GLRA2: variants seen among roughly 807,000 people sequenced by gnomAD.
The protein encoded by GLRA2 is glycine receptor alpha 2.
In GLRA2, 11 loss-of-function variants were observed where a neutral mutation model predicts 31.6. The observed-to-expected ratio is 0.35, with a 90% CI of 0.22 to 0.58. The LOEUF (loss-of-function observed/expected upper bound fraction) is 0.58, where lower values mean the gene tolerates loss of function less well. GLRA2 is among the 20% of genes least tolerant of loss of function. The pLI is 0.84. For missense variants in GLRA2, 212 were observed against 351.8 expected (o/e 0.60, Z 3.18); for synonymous variants, 132 against 134.0 (o/e 0.99, Z 0.10).
At chrX:14,594,254 T>TC (rs200139660) in intron 4 of GLRA2, among the ~76,000 whole-genome samples, 1 of 111,110 alleles carries the variant, frequency 9.0e-6, no homozygotes, top group African/African-American at 3.3e-5. Context: ...CGTGTTCTCT[T>TC]CCCCCTTTTT....
intron 4 of GLRA2, among the ~76,000 whole-genome samples, chrX:14,586,551 C>T (rs2090083085): frequency 8.9e-6 from 1 of 112,178 alleles, no homozygotes; most frequent in Non-Finnish European, 1.9e-5. Flanking sequence ...GGTCCTTCAT[C>T]TGGGATGGGG....
the GLRA2 span, among the ~76,000 whole-genome samples, chrX:14,518,793 G>A: frequency 9.4e-6 from 1 of 106,746 alleles, no homozygotes; most frequent in Non-Finnish European, 1.9e-5. Flanking sequence ...GACCGATCAC[G>A]AGGTCAGGAG....
chrX:14,482,153 T>C, the GLRA2 span, among the ~76,000 whole-genome samples: 13 of 111,802 alleles, frequency 1.2e-4, no homozygotes, highest in Admixed American at 1.2e-3. Context: ...TGATATCTCA[T>C]CATTAATTAC....
At chrX:14,649,271 G>A (rs2090865225) in intron 7 of GLRA2, among the ~76,000 whole-genome samples, 1 of 110,361 alleles carries the variant, frequency 9.1e-6, no homozygotes, top group Non-Finnish European at 1.9e-5. Flanking sequence ...CTATTCCTAG[G>A]TATTTACCCA....
intron 7 of GLRA2, among the ~76,000 whole-genome samples, chrX:14,629,510 A>G (rs988581154): frequency 1.8e-5 from 2 of 111,637 alleles, no homozygotes; most frequent in South Asian, 3.7e-4. Context: ...TGACACCACC[A>G]TAGGTTCATG....
At chrX:14,568,264 G>A (rs1313290704) in intron 2 of GLRA2, among the ~76,000 whole-genome samples, 2 of 112,134 alleles carry the variant, frequency 1.8e-5, no homozygotes, top group African/African-American at 6.5e-5. Context: ...GTGTCATACT[G>A]GCATAAGGAT....
At chrX:14,542,262 C>T (rs1267568748) in intron 2 of GLRA2, among the ~76,000 whole-genome samples, 5 of 111,585 alleles carry the variant, frequency 4.5e-5, no homozygotes, top group South Asian at 3.7e-4. Context: ...TAGAAGGCTA[C>T]GAATATTCAC....
In GLRA2 at chrX:14,728,930, C is replaced by T. The variant is rs73439410; in HGVS notation, c.1081-1277C>T. 9.4e-3 allele frequency among the ~76,000 whole-genome samples: 1,058 copies of T among 112,326 alleles called. 9 individuals carry two copies. Among genetic ancestry groups the T allele is most frequent in the African/African-American group, 0.032 (981 of 30,941 alleles). On this transcript the variant is annotated intron_variant, in intron 8 of 8. Coordinates refer to ENST00000218075, the MANE Select transcript of GLRA2 (RefSeq NM_002063.4). ...CTGCTCTTTCACTCCCCATTTTGCA[C>T]ATGATCAAGTGTAATTAACTGAAAT...
intron 7 of GLRA2, among the ~76,000 whole-genome samples, chrX:14,613,067 T>G (rs183290460): frequency 6.4e-4 from 72 of 111,724 alleles, no homozygotes; most frequent in Middle Eastern, 4.6e-3. Flanking sequence ...CTAAGTTTGT[T>G]TCATCATTTA....
chrX:14,709,027 G>A (rs2091674484), intron 8 of GLRA2, among the ~76,000 whole-genome samples: 1 of 111,754 alleles, frequency 8.9e-6, no homozygotes, highest in Non-Finnish European at 1.9e-5. Flanking sequence ...AACCATATCA[G>A]GTTTTCCTTT....
intron 5 of GLRA2, among the ~76,000 whole-genome samples, chrX:14,606,564 G>A (rs1350646038): frequency 9.0e-6 from 1 of 111,385 alleles, no homozygotes; most frequent in East Asian, 2.8e-4. Flanking sequence ...TAGATTACCT[G>A]CCAATAGTCT....
chrX:14,696,701 G>T (rs2091452287), intron 8 of GLRA2, among the ~76,000 whole-genome samples: 1 of 112,024 alleles, frequency 8.9e-6, no homozygotes, highest in Non-Finnish European at 1.9e-5. Flanking sequence ...GACGCCAAAG[G>T]ATCTGGGTTT....
At chrX:14,457,539 TTATGGCTGCA>T in the GLRA2 span, among the ~76,000 whole-genome samples, 1 of 112,239 alleles carries the variant, frequency 8.9e-6, no homozygotes, top group Non-Finnish European at 1.9e-5. Context: ...TCATCCTTTT[TTATGGCTGCA>T]TAGTATTCCA....
intron 7 of GLRA2, among the ~76,000 whole-genome samples, chrX:14,615,207 G>A (rs1241150167): frequency 8.9e-6 from 1 of 111,932 alleles, no homozygotes; most frequent in Non-Finnish European, 1.9e-5. Context: ...ACAACACCTG[G>A]TTCACAGTAG....
chrX:14,619,815 G>A (rs1367084881), intron 7 of GLRA2, among the ~76,000 whole-genome samples: 3 of 110,702 alleles, frequency 2.7e-5, no homozygotes, highest in Non-Finnish European at 5.7e-5. Flanking sequence ...CATGAAGGCA[G>A]GGTTCTTTAT....
At chrX:14,694,185 T>G (rs1026960335) in intron 8 of GLRA2, among the ~76,000 whole-genome samples, 1 of 111,928 alleles carries the variant, frequency 8.9e-6, no homozygotes, top group Non-Finnish European at 1.9e-5. Flanking sequence ...CAGATTGCAG[T>G]AGTTTAAGGT....
chrX:14,452,435 C>T, the GLRA2 span, among the ~76,000 whole-genome samples: 1 of 112,568 alleles, frequency 8.9e-6, no homozygotes, highest in Non-Finnish European at 1.9e-5. Flanking sequence ...CCTACTGTAC[C>T]ACTGCACAGG....
At chrX:14,504,630 C>T in the GLRA2 span, among the ~76,000 whole-genome samples, 1 of 111,516 alleles carries the variant, frequency 9.0e-6, no homozygotes, top group African/African-American at 3.3e-5. Flanking sequence ...GCTTGAGTTA[C>T]TTAATAAAAC....
the GLRA2 span, among the ~76,000 whole-genome samples, chrX:14,457,790 GGTT>G: frequency 9.0e-6 from 1 of 111,093 alleles, no homozygotes; most frequent in Non-Finnish European, 1.9e-5. Flanking sequence ...CTTCCACAAT[GGTT>G]GAACTAATTT....
Sources: gnomAD v4.1 joint callset for allele counts (sites outside exome capture counted in the v4.1 genomes callset) on GRCh38, gnomAD v4.1.1 for gene constraint, MANE v1.5 for transcripts, NCBI Gene and HGNC (gene_info 2026-07-23, HGNC 2026-07-21) for gene names.